CEP164: variants seen among roughly 807,000 people sequenced by gnomAD.
The protein encoded by CEP164 is centrosomal protein 164, also known as centrosomal protein of 164 kDa.
Under a neutral mutation model 182.7 loss-of-function variants are expected in CEP164, and 162 were observed. That is an observed-to-expected ratio of 0.89 (90% CI 0.78 to 1.01). CEP164 has a LOEUF of 1.01. Among genes scored for constraint, CEP164 ranks in the 50% least tolerant of loss-of-function variants. The probability of loss-of-function intolerance (pLI) is 0.00; values close to 1 mark genes in which losing one functional copy is unlikely to be tolerated. For synonymous variants in CEP164, 661 were observed against 690.0 expected (o/e 0.96, Z 0.66); for missense variants, 1,735 against 1,790.4 (o/e 0.97, Z 0.56).
chr11:117,339,945 G>A (rs566862939), intron 3 of CEP164, among the ~76,000 whole-genome samples: 7 of 152,218 alleles, frequency 4.6e-5, no homozygotes, highest in Admixed American at 1.3e-4. Context: ...TGGATATACA[G>A]TTCTATTCTA....
upstream of CEP164, chr11:117,327,701 C>T (rs1456979859): frequency 1.3e-5 from 2 of 152,240 alleles, no homozygotes; most frequent in Non-Finnish European, 2.9e-5. Flanking sequence ...TTAAACTACA[C>T]TCCCATCGTG....
chr11:117,381,933 A>G, intron 13 of CEP164, 65 bp downstream of exon 13: 1 of 674,918 alleles, frequency 1.5e-6, no homozygotes, highest in East Asian at 9.3e-5. Context: ...TGTAGTGGGT[A>G]TGTGTGCTAG....
At chr11:117,382,723 C>G (rs1342037146) in intron 13 of CEP164, 73 bp from the exon 14 acceptor site, 2 of 1,540,496 alleles carry the variant, frequency 1.3e-6, no homozygotes, top group Non-Finnish European at 1.8e-6. Flanking sequence ...CTCTTTGACC[C>G]CAAATGGCGT....
intron 4 of CEP164, among the ~76,000 whole-genome samples, chr11:117,346,304 T>A (rs991601276): frequency 6.6e-6 from 1 of 151,818 alleles, no homozygotes; most frequent in Non-Finnish European, 1.5e-5. Context: ...AGTCTTGCTC[T>A]GTCGCCCAGG....
chr11:117,324,865 G>A (rs570687304), upstream of CEP164, among the ~76,000 whole-genome samples: 20 of 152,264 alleles, frequency 1.3e-4, no homozygotes, highest in African/African-American at 4.3e-4. Context: ...AGCCTGGCAT[G>A]GTGGTGACAG....
In CEP164 at chr11:117,383,017, G is replaced by T; in HGVS notation, c.1724+75G>T. On this transcript the variant is annotated intron_variant, in intron 14 of 32. Coordinates refer to ENST00000278935, the MANE Select transcript of CEP164 (RefSeq NM_014956.5). Reference sequence around the variant, plus strand: ...TGCTTCAGTGCCTATTCACTCTTGGGTGGTGGGAGGTGGGGCTCAGGCTCT... The same window carrying T: ...TGCTTCAGTGCCTATTCACTCTTGGTTGGTGGGAGGTGGGGCTCAGGCTCT... The T allele has an allele frequency of 4.0e-6, 6 of 1,504,194 alleles. 1 individual carries two copies. The South Asian group carries it at 7.6e-5, about 19-fold the overall frequency. The allele number at this position is 1,504,194 out of a possible 1,614,324, so 93.2% of individuals were successfully genotyped here.
rs184792781 is a variant in CEP164 at position 117,367,226 on chromosome 11, C to T, written c.765+3720C>T. ...CATGGAGTTGGATGGCTTCTCCAGACACTCAGCTCATGTACATCCATTTGT... is the reference window on the plus strand; with the variant it reads ...CATGGAGTTGGATGGCTTCTCCAGATACTCAGCTCATGTACATCCATTTGT... On this transcript the variant is annotated intron_variant, in intron 8 of 32. Coordinates refer to ENST00000278935, the MANE Select transcript of CEP164 (RefSeq NM_014956.5). Among the ~76,000 whole-genome samples the T allele has an allele frequency of 6.6e-4, 101 of 152,330 alleles. 1 individual carries two copies. The highest frequency in any genetic ancestry group is 6.2e-3 in the Admixed American group (95 of 15,296).
intron 27 of CEP164, among the ~76,000 whole-genome samples, chr11:117,398,806 G>A (rs956491288): frequency 6.6e-6 from 1 of 152,158 alleles, no homozygotes; most frequent in Non-Finnish European, 1.5e-5. Context: ...CCTGGCCCAC[G>A]AAACCATTTT....
At position 117,411,217 on chromosome 11, in the gene CEP164, A is replaced by G; in HGVS notation, c.4163+323A>G. 1 of 329,030 alleles carries G rather than the reference A, an allele frequency of 3.0e-6. No individual in the cohort carries two copies. The highest frequency in any genetic ancestry group is 5.7e-6 in the Non-Finnish European group (1 of 173,958). The allele number at this position is 329,030 out of a possible 1,614,324, so 20.4% of individuals were successfully genotyped here. On this transcript the variant is annotated intron_variant, in intron 31 of 32. Transcript: ENST00000278935. This position sits in a 1 kb window ranked among gnomAD's most constrained non-coding sequence, Gnocchi z 4.4. ...GGACCCTGCCCCCGCCCCTCCCTCT[A>G]GCCCCTCCAGCCCCGGAGTCTGGCC... is the stretch of plus-strand genomic sequence containing the variant.
chr11:117,387,434 A>G (rs373239180), intron 15 of CEP164, 22 bp downstream of exon 15: 81 of 1,611,038 alleles, frequency 5.0e-5, no homozygotes, highest in Non-Finnish European at 6.5e-5. Context: ...CCCCTTAGGC[A>G]TGCTTCCTGG....
Position 117,390,757 on chromosome 11 carries a change from G to A in CEP164, c.1935-20G>A, listed in dbSNP as rs200518210. ...CCTTTGTGGTTTCTCTGACAACCTA[G>A]CCTTTCCTTTCCATCTCAGTTCCTT... On this transcript the variant is annotated intron_variant, in intron 15 of 32. Coordinates refer to ENST00000278935, the MANE Select transcript of CEP164 (RefSeq NM_014956.5). The A allele has an allele frequency of 4.9e-5, 79 of 1,613,662 alleles. No individual in the cohort carries two copies. The highest frequency in any genetic ancestry group is 5.3e-5 in the Non-Finnish European group (63 of 1,179,922).
At chr11:117,331,096 A>G (rs530875812) in intron 1 of CEP164, among the ~76,000 whole-genome samples, 4 of 152,356 alleles carry the variant, frequency 2.6e-5, no homozygotes, top group Admixed American at 2.6e-4. Flanking sequence ...ATAAATATAC[A>G]GAGAACCCTC....
chr11:117,342,756 A>G (rs147243170), intron 3 of CEP164, among the ~76,000 whole-genome samples: 38 of 152,318 alleles, frequency 2.5e-4, no homozygotes, highest in Non-Finnish European at 3.1e-4. Context: ...GATTACAGGC[A>G]TGAACCACCA....
At chr11:117,362,335 G>A (rs1266862215) in intron 6 of CEP164, 69 bp from the exon 7 acceptor site, 1 of 1,514,094 alleles carries the variant, frequency 6.6e-7, no homozygotes, top group Non-Finnish European at 9.0e-7. Context: ...AGAGTGGGGA[G>A]GAGCATTCTA....
intron 5 of CEP164, chr11:117,356,316 A>G: frequency 8.8e-7 from 1 of 1,130,998 alleles, no homozygotes; most frequent in Non-Finnish European, 1.1e-6. Flanking sequence ...GAGAGCATGC[A>G]GGACATGCCG....
chr11:117,362,093 G>A (rs1048646571), intron 6 of CEP164, 100 bp downstream of exon 6: 7 of 1,162,300 alleles, frequency 6.0e-6, no homozygotes, highest in African/African-American at 1.5e-5. Context: ...AGACAGAATC[G>A]GTGGAGTCCT....
intron 5 of CEP164, chr11:117,359,650 A>AT: frequency 8.5e-6 from 8 of 940,356 alleles, no homozygotes; most frequent in Non-Finnish European, 1.0e-5. Context: ...GAGGATTGGA[A>AT]TTTTTGTGTC....
At chr11:117,382,194 G>T (rs1168629900) in intron 13 of CEP164, among the ~76,000 whole-genome samples, 1 of 152,134 alleles carries the variant, frequency 6.6e-6, no homozygotes, top group Non-Finnish European at 1.5e-5. Flanking sequence ...CAAGGGGCTG[G>T]AGCAGAGACT....
chr11:117,392,444 G>A, intron 18 of CEP164, 52 bp from the exon 19 acceptor site: 4 of 1,593,306 alleles, frequency 2.5e-6, no homozygotes, highest in Admixed American at 3.4e-5. Context: ...CACAGCAGCT[G>A]TACAGTCTGT....
Sources: gnomAD v4.1 joint callset for allele counts (sites outside exome capture counted in the v4.1 genomes callset) on GRCh38, gnomAD v4.1.1 for gene constraint, Gnocchi (gnomAD v3.1) non-coding constraint, MANE v1.5 for transcripts, NCBI Gene and HGNC (gene_info 2026-07-23, HGNC 2026-07-21) for gene names.